The following MAP4K3 variants were observed in gnomAD, a reference collection of about 807,000 sequenced individuals.
MAP4K3 encodes MAPK/ERK kinase kinase kinase 3.
A neutral mutation model predicts 143.5 loss-of-function variants in MAP4K3; 94 were observed. That is an observed-to-expected ratio of 0.65 (90% CI 0.55 to 0.78). MAP4K3 has a LOEUF of 0.78. Ranked by LOEUF, MAP4K3 falls within the 30% of genes least tolerant of loss-of-function variation. The pLI is 0.00. For synonymous variants in MAP4K3, 416 were observed against 347.2 expected, an observed-to-expected ratio of 1.20 and a Z score of -2.20; for missense variants, 1,077 against 1,068.1, an observed-to-expected ratio of 1.01 and a Z score of -0.12.
intron 12 of MAP4K3, among the ~76,000 whole-genome samples, chr2:39,320,288 T>C (rs750062906): frequency 1.3e-5 from 2 of 152,212 alleles, no homozygotes; most frequent in Middle Eastern, 3.2e-3. Flanking sequence ...CTGCGTCAAC[T>C]CCTTATATCA....
chr2:39,304,449 T>C (rs1333793441), intron 15 of MAP4K3, among the ~76,000 whole-genome samples: 1 of 152,208 alleles, frequency 6.6e-6, no homozygotes, highest in East Asian at 1.9e-4. Context: ...TGAAATCTTG[T>C]TCACAGTGCC....
chr2:39,351,285 C>T (rs1342392654), intron 3 of MAP4K3, among the ~76,000 whole-genome samples: 1 of 152,186 alleles, frequency 6.6e-6, no homozygotes, highest in African/African-American at 2.4e-5. Context: ...TTCCAATTTT[C>T]TATACACATA....
chr2:39,428,454 C>T (rs1485835288), intron 1 of MAP4K3, among the ~76,000 whole-genome samples: 1 of 150,714 alleles, frequency 6.6e-6, no homozygotes, highest in South Asian at 2.1e-4. Flanking sequence ...CAGGTGATCA[C>T]CTGAGGTCAG....
chr2:39,287,298 C>CTT (rs11413828), intron 20 of MAP4K3, among the ~76,000 whole-genome samples: 5,859 of 147,220 alleles, frequency 0.04, 244 homozygotes, highest in African/African-American at 0.11. Context: ...TTTAGTTGCT[C>CTT]TTTTTTTTTT....
intron 24 of MAP4K3, among the ~76,000 whole-genome samples, chr2:39,275,815 A>G (rs894226744): frequency 2.0e-5 from 3 of 152,190 alleles, no homozygotes. Flanking sequence ...CTGTTTAGTC[A>G]TGAATAAATC....
At chr2:39,329,726 G>C (rs189932677) in intron 8 of MAP4K3, among the ~76,000 whole-genome samples, 1 of 152,176 alleles carries the variant, frequency 6.6e-6, no homozygotes, top group Admixed American at 6.5e-5. Flanking sequence ...GGAGTGAAGA[G>C]GTTAAAGGGA....
chr2:39,317,488 G>C (rs1467342798), intron 12 of MAP4K3, among the ~76,000 whole-genome samples: 1 of 152,052 alleles, frequency 6.6e-6, no homozygotes, highest in African/African-American at 2.4e-5. Flanking sequence ...CCACAGAATA[G>C]GAGAAAATTT....
At chr2:39,413,046 G>A (rs540672065) in intron 1 of MAP4K3, among the ~76,000 whole-genome samples, 11 of 152,176 alleles carry the variant, frequency 7.2e-5, no homozygotes, top group African/African-American at 2.7e-4. Flanking sequence ...CTAACGAGGA[G>A]AAACCCAACA....
At chr2:39,417,264 G>C (rs1449530206) in intron 1 of MAP4K3, among the ~76,000 whole-genome samples, 2 of 148,062 alleles carry the variant, frequency 1.4e-5, no homozygotes, top group African/African-American at 2.5e-5. Flanking sequence ...CTGTCGCCCA[G>C]GCTGGAGGGC....
chr2:39,251,066 A>G (rs1011616773), intron 33 of MAP4K3, among the ~76,000 whole-genome samples: 1 of 152,206 alleles, frequency 6.6e-6, no homozygotes, highest in African/African-American at 2.4e-5. Flanking sequence ...ACGCTGCACA[A>G]TGGATGAATA....
chr2:39,306,823 A>C (rs1353748673), intron 15 of MAP4K3, among the ~76,000 whole-genome samples: 1 of 152,184 alleles, frequency 6.6e-6, no homozygotes, highest in Non-Finnish European at 1.5e-5. Context: ...TCCCTCCCAG[A>C]AGCCAGATAA....
In MAP4K3 at chr2:39,401,672, G is replaced by A. The variant is rs563206345; in HGVS notation, c.97-23549C>T. On this transcript the variant is annotated intron_variant, in intron 1 of 33. Coordinates refer to ENST00000263881, the MANE Select transcript of MAP4K3 (RefSeq NM_003618.4). ...AAAAAAAAGCCAGGCATGGTGGCCC[G>A]TGCCTGTAGTCTCAGCTGCTTGGGG... Among the ~76,000 whole-genome samples the A allele has an allele frequency of 1.4e-4, 21 of 152,192 alleles. 1 individual carries two copies. The highest frequency in any genetic ancestry group is 7.7e-4 in the East Asian group (4 of 5,170).
At chr2:39,342,240 G>T (rs1380578228) in intron 4 of MAP4K3, among the ~76,000 whole-genome samples, 1 of 151,980 alleles carries the variant, frequency 6.6e-6, no homozygotes, top group East Asian at 1.9e-4. Flanking sequence ...CTAGGTTCAA[G>T]CAATTCTCCC....
intron 31 of MAP4K3, among the ~76,000 whole-genome samples, chr2:39,254,738 G>A (rs1227001221): frequency 6.6e-6 from 1 of 152,046 alleles, no homozygotes; most frequent in African/African-American, 2.4e-5. Context: ...AAATATTTTT[G>A]TTATAGTTTT....
intron 1 of MAP4K3, among the ~76,000 whole-genome samples, chr2:39,404,605 TC>T (rs1403621942): frequency 6.7e-6 from 1 of 150,200 alleles, no homozygotes; most frequent in East Asian, 1.9e-4. Flanking sequence ...CTTTTTTTTT[TC>T]TTCTTTCTTT....
chr2:39,418,877 T>C (rs1667468106), intron 1 of MAP4K3, among the ~76,000 whole-genome samples: 1 of 152,210 alleles, frequency 6.6e-6, no homozygotes, highest in Non-Finnish European at 1.5e-5. Context: ...TAGAATATGG[T>C]ATCCTGGATG....
At chr2:39,332,413 A>C (rs1683712040) in intron 7 of MAP4K3, among the ~76,000 whole-genome samples, 3 of 152,008 alleles carry the variant, frequency 2.0e-5, no homozygotes, top group African/African-American at 7.2e-5. Flanking sequence ...ACATCAGATA[A>C]ACCAGTAAGT....
chr2:39,377,215 T>TTTTTTTTTTTTTTTTA (rs1553421056), intron 2 of MAP4K3, among the ~76,000 whole-genome samples: 3 of 150,094 alleles, frequency 2.0e-5, no homozygotes, highest in African/African-American at 7.3e-5. Flanking sequence ...TTTTTTTTTT[T>TTTTTTTTTTTTTTTTA]AAACAGAAAA....
At chr2:39,363,330 A>C (rs1665822334) in intron 2 of MAP4K3, among the ~76,000 whole-genome samples, 1 of 152,212 alleles carries the variant, frequency 6.6e-6, no homozygotes, top group African/African-American at 2.4e-5. Context: ...AGGCACTCCT[A>C]CAATGCAACA....
Sources: allele counts gnomAD v4.1 joint callset (sites outside exome capture counted in the v4.1 genomes callset), GRCh38; gene constraint gnomAD v4.1.1; transcripts MANE v1.5; gene names NCBI Gene and HGNC (gene_info 2026-07-23, HGNC 2026-07-21).